DRC8: variants seen among roughly 807,000 people sequenced by gnomAD.
The protein encoded by DRC8 is dynein regulatory complex protein 8.
chr1:245,044,448 C>T, the DRC8 span, among the ~76,000 whole-genome samples: 1 of 151,936 alleles, frequency 6.6e-6, no homozygotes, highest in Non-Finnish European at 1.5e-5. Context: ...CTTTAAAAAA[C>T]GATTTTAATT....
chr1:245,051,138 C>T, the DRC8 span, among the ~76,000 whole-genome samples: 1 of 152,012 alleles, frequency 6.6e-6, no homozygotes, highest in African/African-American at 2.4e-5. Context: ...GCCTGTAATC[C>T]CACTACTTTG....
the DRC8 span, chr1:245,075,463 T>C: frequency 6.6e-6 from 1 of 152,270 alleles, no homozygotes; most frequent in Non-Finnish European, 1.5e-5. Flanking sequence ...GGAGAGAGAC[T>C]GTGGAGTGCC....
the DRC8 span, among the ~76,000 whole-genome samples, chr1:245,015,090 A>G: frequency 6.6e-6 from 1 of 152,142 alleles, no homozygotes; most frequent in African/African-American, 2.4e-5. Context: ...TGGGTGTCCT[A>G]CTGTATTTAC....
chr1:245,030,630 C>T, the DRC8 span: 1 of 152,326 alleles, frequency 6.6e-6, no homozygotes. Flanking sequence ...ATTCTACTCA[C>T]CTGCTTTTAT....
chr1:245,086,233 A>C, the DRC8 span, among the ~76,000 whole-genome samples: 2 of 152,220 alleles, frequency 1.3e-5, no homozygotes, highest in Non-Finnish European at 2.9e-5. Flanking sequence ...TATATGAACC[A>C]ATATGTTTGG....
At chr1:244,971,084 T>C in the DRC8 span, 1 of 154,526 alleles carries the variant, frequency 6.5e-6, no homozygotes, top group Non-Finnish European at 1.4e-5. Context: ...TTTTGCCTCC[T>C]TAATGAGGAC....
the DRC8 span, among the ~76,000 whole-genome samples, chr1:245,003,992 C>T: frequency 9.6e-6 from 1 of 104,400 alleles, no homozygotes; most frequent in African/African-American, 3.8e-5. Context: ...GTAGCTGGGA[C>T]AATAGGCATG....
the DRC8 span, among the ~76,000 whole-genome samples, chr1:244,987,693 G>C: frequency 6.6e-6 from 1 of 151,280 alleles, no homozygotes; most frequent in South Asian, 2.1e-4. Flanking sequence ...TATTAATTGG[G>C]TCAAATAGAA....
At chr1:245,114,389 C>T in the DRC8 span, among the ~76,000 whole-genome samples, 1 of 151,946 alleles carries the variant, frequency 6.6e-6, no homozygotes, top group African/African-American at 2.4e-5. Context: ...TGCTTGAAAC[C>T]CGGAGGCAGA....
chr1:245,030,640 TTTC>T, the DRC8 span: 1 of 152,238 alleles, frequency 6.6e-6, no homozygotes, highest in Non-Finnish European at 1.5e-5. Flanking sequence ...CCTGCTTTTA[TTTC>T]TTCTTTTCCA....
the DRC8 span, among the ~76,000 whole-genome samples, chr1:245,035,518 A>G: frequency 6.6e-6 from 1 of 152,336 alleles, no homozygotes; most frequent in East Asian, 1.9e-4. Context: ...GAATATCCAC[A>G]TGCAAATGAA....
At chr1:245,047,461 C>T in the DRC8 span, among the ~76,000 whole-genome samples, 2 of 151,690 alleles carry the variant, frequency 1.3e-5, no homozygotes, top group African/African-American at 4.8e-5. Context: ...ATGGTAAAAC[C>T]CCATCTCCAC....
the DRC8 span, among the ~76,000 whole-genome samples, chr1:245,064,012 C>T: frequency 6.6e-6 from 1 of 152,090 alleles, no homozygotes; most frequent in East Asian, 1.9e-4. Context: ...CGTGACCAAC[C>T]ACGCCCGGCC....
the DRC8 span, among the ~76,000 whole-genome samples, chr1:245,008,871 A>G: frequency 1.5e-4 from 22 of 151,616 alleles, no homozygotes; most frequent in African/African-American, 5.1e-4. Flanking sequence ...GTGTGTATGT[A>G]GAAGTGAGGT....
At chr1:245,115,281 C>T in the DRC8 span, among the ~76,000 whole-genome samples, 6 of 152,110 alleles carry the variant, frequency 3.9e-5, no homozygotes, top group Non-Finnish European at 8.8e-5. Flanking sequence ...CTCCTGAGTT[C>T]AAGCAATCTG....
At chr1:244,987,427 A>T in the DRC8 span, among the ~76,000 whole-genome samples, 2 of 151,388 alleles carry the variant, frequency 1.3e-5, no homozygotes, top group Non-Finnish European at 2.9e-5. Context: ...CTGGTTTCGA[A>T]CTCCTGACCT....
At chr1:245,005,542 C>G in the DRC8 span, among the ~76,000 whole-genome samples, 1 of 151,924 alleles carries the variant, frequency 6.6e-6, no homozygotes, top group South Asian at 2.1e-4. Context: ...GGGATTTCAA[C>G]GTGTTGGTCA....
the DRC8 span, among the ~76,000 whole-genome samples, chr1:245,056,407 T>C: frequency 3.3e-5 from 5 of 152,294 alleles, no homozygotes; most frequent in African/African-American, 9.6e-5. Flanking sequence ...GCGATTCTCC[T>C]GCCTCAGCCT....
chr1:244,970,339 C>T, the DRC8 span: 1 of 1,506,842 alleles, frequency 6.6e-7, no homozygotes, highest in Non-Finnish European at 8.8e-7. Flanking sequence ...GCCAGGCTCG[C>T]CGCGGGGCGC....
Sources: allele counts gnomAD v4.1 joint callset (sites outside exome capture counted in the v4.1 genomes callset), GRCh38; gene constraint gnomAD v4.1.1; transcripts MANE v1.5; gene names NCBI Gene and HGNC (gene_info 2026-07-23, HGNC 2026-07-21).